SOBP: variants seen among roughly 807,000 people sequenced by gnomAD.
SOBP encodes the protein sine oculis binding protein homolog.
A neutral mutation model predicts 53.6 loss-of-function variants in SOBP; 4 were observed. The ratio of observed to expected loss-of-function variants is 0.07; its 90% CI spans 0.04 to 0.17. The LOEUF is 0.17. Among genes scored for constraint, SOBP ranks in the 10% least tolerant of loss-of-function variants. SOBP has a pLI of 1.00. For synonymous variants in SOBP, 584 were observed against 522.6 expected, an observed-to-expected ratio of 1.12 and a Z score of -1.60; for missense variants, 1,088 against 1,204.7, an observed-to-expected ratio of 0.90 and a Z score of 1.43.
intron 3 of SOBP, among the ~76,000 whole-genome samples, chr6:107,531,869 A>C (rs1352211092): frequency 6.6e-6 from 1 of 152,196 alleles, no homozygotes; most frequent in Non-Finnish European, 1.5e-5. Context: ...TATTCCATTG[A>C]GGTAAATAAA....
intron 4 of SOBP, among the ~76,000 whole-genome samples, chr6:107,571,025 C>A (rs904402761): frequency 1.3e-5 from 2 of 152,248 alleles, no homozygotes; most frequent in African/African-American, 4.8e-5. Context: ...ATCTACCACA[C>A]CTCTCCTGAT....
chr6:107,626,833 C>T (rs1256874169), intron 5 of SOBP, among the ~76,000 whole-genome samples: 2 of 151,850 alleles, frequency 1.3e-5, no homozygotes, highest in African/African-American at 4.8e-5. Context: ...GCAGGGTCGT[C>T]ACTGTGGATG....
chr6:107,532,259 AC>A (rs1783848859), intron 3 of SOBP, among the ~76,000 whole-genome samples: 4 of 150,758 alleles, frequency 2.7e-5, no homozygotes, highest in African/African-American at 9.9e-5. Context: ...ACACACACAC[AC>A]ACACACACAC....
At chr6:107,574,863 G>A (rs1027273816) in intron 4 of SOBP, among the ~76,000 whole-genome samples, 3 of 152,074 alleles carry the variant, frequency 2.0e-5, no homozygotes, top group African/African-American at 7.3e-5. Context: ...CCACCCCTCC[G>A]TTTCAGCTGT....
intron 4 of SOBP, among the ~76,000 whole-genome samples, chr6:107,579,386 T>C (rs1310538613): frequency 1.3e-5 from 2 of 152,154 alleles, no homozygotes; most frequent in African/African-American, 4.8e-5. Context: ...CCCTGCAAGA[T>C]AAATGCAAAA....
chr6:107,645,358 G>A (rs896152586), intron 6 of SOBP, among the ~76,000 whole-genome samples: 3 of 152,068 alleles, frequency 2.0e-5, no homozygotes, highest in Non-Finnish European at 4.4e-5. Context: ...TATTTCCCTA[G>A]AGGGTAAAAC....
At chr6:107,524,154 G>C (rs1286999201) in intron 3 of SOBP, among the ~76,000 whole-genome samples, 1 of 152,210 alleles carries the variant, frequency 6.6e-6, no homozygotes, top group Non-Finnish European at 1.5e-5. Context: ...TTTATATGCT[G>C]CCACTTTTGT....
chr6:107,499,955 A>G (rs1782795974), intron 1 of SOBP, among the ~76,000 whole-genome samples: 1 of 152,228 alleles, frequency 6.6e-6, no homozygotes, highest in Admixed American at 6.5e-5. Context: ...TGAAACAGGA[A>G]ATGAATAACT....
chr6:107,610,977 G>A (rs1394394160), intron 5 of SOBP, among the ~76,000 whole-genome samples: 1 of 152,234 alleles, frequency 6.6e-6, no homozygotes, highest in Non-Finnish European at 1.5e-5. Flanking sequence ...AAATGATTCT[G>A]GCAGGCTGGA....
intron 3 of SOBP, among the ~76,000 whole-genome samples, chr6:107,520,692 G>A (rs1783458631): frequency 6.6e-6 from 1 of 152,170 alleles, no homozygotes; most frequent in African/African-American, 2.4e-5. Flanking sequence ...CCGTGTTTCT[G>A]GCATTTCTTG....
rs191499756 is a variant in SOBP, at chr6:107,560,343, C to G, written c.573+26733C>G. Among the ~76,000 whole-genome samples the G allele has an allele frequency of 5.1e-3, 774 of 152,242 alleles. 7 individuals are homozygous for G. The highest frequency in any genetic ancestry group is 0.018 in the African/African-American group (733 of 41,542). ...ATTTTCACAGGGGTCTGTTACAGGA[C>G]TGTGTGAAGCCAGGGTGAGAAGTCA... On this transcript the variant is annotated intron_variant, in intron 4 of 6. Transcript: ENST00000317357.
intron 5 of SOBP, among the ~76,000 whole-genome samples, chr6:107,622,024 G>A (rs1770201769): frequency 6.6e-6 from 1 of 152,086 alleles, no homozygotes; most frequent in Admixed American, 6.5e-5. Context: ...CAGAATAAAG[G>A]GTAAGTAAGA....
intron 6 of SOBP, among the ~76,000 whole-genome samples, chr6:107,637,071 A>G (rs1562120164): frequency 1.3e-5 from 2 of 152,130 alleles, no homozygotes; most frequent in Admixed American, 6.5e-5. Flanking sequence ...AGTGGGTAAA[A>G]CAACCCTCAG....
At chr6:107,619,877 G>A (rs1342737385) in intron 5 of SOBP, among the ~76,000 whole-genome samples, 3 of 152,184 alleles carry the variant, frequency 2.0e-5, no homozygotes, top group East Asian at 3.9e-4. Context: ...GGAGTATTAC[G>A]GGATTAGGCA....
chr6:107,637,819 C>G (rs545984180), intron 6 of SOBP, among the ~76,000 whole-genome samples: 2 of 152,250 alleles, frequency 1.3e-5, no homozygotes, highest in South Asian at 4.1e-4. Flanking sequence ...TACACGATGG[C>G]TATTTGGATG....
At chr6:107,592,559 T>G (rs755576781) in intron 5 of SOBP, among the ~76,000 whole-genome samples, 1 of 152,188 alleles carries the variant, frequency 6.6e-6, no homozygotes, top group Non-Finnish European at 1.5e-5. Flanking sequence ...TTACATACTA[T>G]TGCTTTGATT....
At chr6:107,533,396 G>A (rs1783899035) in intron 3 of SOBP, 63 bp from the exon 4 acceptor site, 4 of 1,584,022 alleles carry the variant, frequency 2.5e-6, no homozygotes, top group East Asian at 4.5e-5. Flanking sequence ...GGTTCAGGGT[G>A]TGTCTAAATT....
chr6:107,638,647 G>A (rs1394557199), intron 6 of SOBP, among the ~76,000 whole-genome samples: 1 of 152,172 alleles, frequency 6.6e-6, no homozygotes, highest in Non-Finnish European at 1.5e-5. Flanking sequence ...CCCTGATGCT[G>A]AACACTGGTG....
chr6:107,551,796 G>T (rs1367935285), intron 4 of SOBP, among the ~76,000 whole-genome samples: 1 of 152,152 alleles, frequency 6.6e-6, no homozygotes, highest in African/African-American at 2.4e-5. Flanking sequence ...TGAAGCAGGT[G>T]GATCACTTGG....
Sources: allele counts gnomAD v4.1 joint callset (sites outside exome capture counted in the v4.1 genomes callset), GRCh38; gene constraint gnomAD v4.1.1; transcripts MANE v1.5; gene names NCBI Gene and HGNC (gene_info 2026-07-23, HGNC 2026-07-21).